Variants in MYRIP observed in about 807,000 individuals in gnomAD.
MYRIP encodes the protein rab effector MyRIP.
Under a neutral mutation model 98.0 loss-of-function variants are expected in MYRIP, and 49 were observed. That is an observed-to-expected ratio of 0.50 (90% CI 0.40 to 0.63). MYRIP has a LOEUF of 0.63. Ranked by LOEUF, MYRIP falls within the 30% of genes least tolerant of loss-of-function variation. The pLI, the probability that MYRIP is intolerant of heterozygous loss-of-function variation, is 0.00. For missense variants in MYRIP, 1,004 were observed against 1,058.2 expected (o/e 0.95, Z 0.71); for synonymous variants, 404 against 409.5 (o/e 0.99, Z 0.16).
At chr3:40,132,279 A>G (rs551921261) in intron 3 of MYRIP, among the ~76,000 whole-genome samples, 32 of 152,326 alleles carry the variant, frequency 2.1e-4, no homozygotes, top group African/African-American at 6.5e-4. Flanking sequence ...TAGTTACAGA[A>G]GAGAGGTTTA....
Position 40,035,241 on chromosome 3 carries a change from TA to T in MYRIP, c.111-8801del, listed in dbSNP as rs571477346. Among the ~76,000 whole-genome samples the T allele has an allele frequency of 5.3e-5, 8 of 150,798 alleles. No individual in the cohort carries two copies. In the East Asian group the frequency reaches 9.8e-4, roughly 18 times the overall value. On this transcript the variant is annotated intron_variant, in intron 2 of 16. Transcript: ENST00000302541. Reference sequence around the variant, plus strand: ...AGTATAATAATAAAATTTTAAAAATTAAAAAAAAGAAAAAGAAATCAAAACC... The same window carrying T: ...AGTATAATAATAAAATTTTAAAAATTAAAAAAAGAAAAAGAAATCAAAACC...
intron 1 of MYRIP, among the ~76,000 whole-genome samples, chr3:39,888,078 A>G (rs1943360552): frequency 6.6e-6 from 1 of 152,028 alleles, no homozygotes; most frequent in Non-Finnish European, 1.5e-5. Context: ...AGGAAGAATC[A>G]ATATCGTGAA....
chr3:40,026,379 A>G (rs1947129256), intron 2 of MYRIP, among the ~76,000 whole-genome samples: 1 of 106,488 alleles, frequency 9.4e-6, no homozygotes, highest in Admixed American at 1.0e-4. Context: ...TATTGTTCAA[A>G]CACATGTTTT....
chr3:39,834,218 A>G (rs1184826378), intron 1 of MYRIP, among the ~76,000 whole-genome samples: 1 of 152,172 alleles, frequency 6.6e-6, no homozygotes, highest in South Asian at 2.1e-4. Flanking sequence ...TATGCTTAAG[A>G]GTTCTGTAAC....
At chr3:39,926,732 T>C (rs779778491) in intron 2 of MYRIP, among the ~76,000 whole-genome samples, 1 of 152,078 alleles carries the variant, frequency 6.6e-6, no homozygotes, top group Non-Finnish European at 1.5e-5. Flanking sequence ...GTTTTGGTTA[T>C]TGTAGCTTAA....
chr3:40,197,666 C>A (rs1289325389), intron 10 of MYRIP, among the ~76,000 whole-genome samples: 1 of 152,158 alleles, frequency 6.6e-6, no homozygotes, highest in African/African-American at 2.4e-5. Flanking sequence ...ACTCTTATAG[C>A]TTTTTACACC....
intron 2 of MYRIP, among the ~76,000 whole-genome samples, chr3:39,997,410 A>T (rs1575449868): frequency 6.6e-6 from 1 of 151,380 alleles, no homozygotes; most frequent in South Asian, 2.1e-4. Flanking sequence ...AAACACCTCT[A>T]TGCAAATAAA....
intron 1 of MYRIP, among the ~76,000 whole-genome samples, chr3:39,885,260 T>C (rs1426033887): frequency 6.6e-6 from 1 of 152,024 alleles, no homozygotes; most frequent in Non-Finnish European, 1.5e-5. Flanking sequence ...GTTGTTGAAA[T>C]TTTTATATTG....
At chr3:40,223,415 A>G (rs1952393373) in intron 11 of MYRIP, among the ~76,000 whole-genome samples, 1 of 152,242 alleles carries the variant, frequency 6.6e-6, no homozygotes, top group Non-Finnish European at 1.5e-5. Context: ...ACAGCCTAAA[A>G]TATATTAAAT....
intron 2 of MYRIP, among the ~76,000 whole-genome samples, chr3:39,921,854 C>A (rs1329697652): frequency 7.1e-6 from 1 of 140,002 alleles, no homozygotes; most frequent in Non-Finnish European, 1.5e-5. Flanking sequence ...TGCACTCCAG[C>A]CTGGGCTACA....
chr3:39,929,919 T>A (rs988614053), intron 2 of MYRIP, among the ~76,000 whole-genome samples: 1 of 152,088 alleles, frequency 6.6e-6, no homozygotes. Context: ...CATCCACTTT[T>A]ATGGATGAAT....
chr3:39,997,863 T>C (rs1946407476), intron 2 of MYRIP, among the ~76,000 whole-genome samples: 1 of 152,026 alleles, frequency 6.6e-6, no homozygotes, highest in Admixed American at 6.6e-5. Context: ...ATCCCTGCGA[T>C]GCAAGCCTGG....
At chr3:40,192,322 AT>A (rs1261793687) in intron 10 of MYRIP, among the ~76,000 whole-genome samples, 1 of 27,446 alleles carries the variant, frequency 3.6e-5, no homozygotes, top group African/African-American at 6.7e-5. Flanking sequence ...ATATATATAT[AT>A]ATGTCATATA....
At chr3:40,086,074 T>A (rs1346648733) in intron 3 of MYRIP, among the ~76,000 whole-genome samples, 3 of 151,674 alleles carry the variant, frequency 2.0e-5, no homozygotes, top group Non-Finnish European at 4.4e-5. Context: ...TAGGATGGGA[T>A]CCCAAAAAAT....
intron 1 of MYRIP, among the ~76,000 whole-genome samples, chr3:39,815,523 T>C (rs540511196): frequency 1.3e-5 from 2 of 152,302 alleles, no homozygotes; most frequent in East Asian, 1.9e-4. Context: ...CTAGCTACAT[T>C]TTTAAAATTG....
At chr3:39,991,040 C>A (rs760090734) in intron 2 of MYRIP, among the ~76,000 whole-genome samples, 19 of 152,158 alleles carry the variant, frequency 1.2e-4, no homozygotes, top group Non-Finnish European at 2.4e-4. Context: ...AGGAGAAATA[C>A]CTAATGTAAG....
chr3:40,148,122 T>C (rs952417117), intron 3 of MYRIP, among the ~76,000 whole-genome samples: 4 of 152,216 alleles, frequency 2.6e-5, no homozygotes, highest in African/African-American at 7.2e-5. Context: ...CTAGCATTCA[T>C]TGTTATTGAT....
intron 3 of MYRIP, chr3:40,100,220 G>A (rs1948919480): frequency 2.0e-6 from 2 of 985,272 alleles, no homozygotes; most frequent in South Asian, 4.7e-5. Flanking sequence ...TTGAGTAGAA[G>A]AGCTTGGCAG....
Position 39,829,118 on chromosome 3 carries a change from G to A in MYRIP, c.-31+19202G>A, listed in dbSNP as rs150335881. 4.5e-4 allele frequency among the ~76,000 whole-genome samples: 69 copies of A among 152,226 alleles called. 1 individual carries two copies. In the East Asian group the frequency reaches 0.01, roughly 22 times the overall value. On this transcript the variant is annotated intron_variant, in intron 1 of 16. Transcript: ENST00000302541. ...AGCAGTGTAGAAGTGTTCTGTGATC[G>A]CCACATCCATGTCAACATCCACTGT... is the stretch of plus-strand genomic sequence containing the variant.
Sources: gnomAD v4.1 joint callset for allele counts (sites outside exome capture counted in the v4.1 genomes callset) on GRCh38, gnomAD v4.1.1 for gene constraint, MANE v1.5 for transcripts, NCBI Gene and HGNC (gene_info 2026-07-23, HGNC 2026-07-21) for gene names.